The following CCNY variants were observed in gnomAD, a reference collection of about 807,000 sequenced individuals.
CCNY encodes the protein cyclin Y.
Under a neutral mutation model 42.8 loss-of-function variants are expected in CCNY, and 19 were observed. That is an observed-to-expected ratio of 0.44 (90% CI 0.31 to 0.65). The LOEUF (loss-of-function observed/expected upper bound fraction) is 0.65, where lower values mean the gene tolerates loss of function less well. CCNY is among the 30% of genes least tolerant of loss of function. The pLI is 0.07. For missense variants in CCNY, 370 were observed against 437.3 expected (o/e 0.85, Z 1.37); for synonymous variants, 165 against 162.7 (o/e 1.01, Z -0.11).
intron 1 of CCNY, among the ~76,000 whole-genome samples, chr10:35,399,925 T>C (rs1346731260): frequency 6.6e-6 from 1 of 152,178 alleles, no homozygotes; most frequent in Non-Finnish European, 1.5e-5. Flanking sequence ...TTTTTGTTTT[T>C]GGAATAAGAT....
chr10:35,282,782 T>A (rs1317857521), intron 3 of CCNY, among the ~76,000 whole-genome samples: 1 of 149,480 alleles, frequency 6.7e-6, no homozygotes, highest in East Asian at 2.0e-4. Flanking sequence ...TGTGGTGGAG[T>A]TGGTCAGTGC....
At chr10:35,335,675 A>G (rs1484713410), upstream of CCNY, among the ~76,000 whole-genome samples, 1 of 152,112 alleles carries the variant, frequency 6.6e-6, no homozygotes, top group Non-Finnish European at 1.5e-5. Flanking sequence ...TTACGAAGCG[A>G]GATCCCATCT....
At position 35,272,597 on chromosome 10, in the gene CCNY, ATGT is replaced by A. The variant is rs1395864687; in HGVS notation, c.-9+21976_-9+21978del. On this transcript the variant is annotated intron_variant, in intron 3 of 11. Transcript: ENST00000374706. ...TATCTGTGTTCCTGCAAAGGACATG[ATGT>A]TGTTCTTTTTTATGGCTGCATAGTA... is the stretch of plus-strand genomic sequence containing the variant. Among the ~76,000 whole-genome samples the A allele has an allele frequency of 5.9e-5, 9 of 152,134 alleles. No individual in the cohort carries two copies. In the East Asian group the frequency reaches 1.7e-3, roughly 29 times the overall value.
intron 9 of CCNY, among the ~76,000 whole-genome samples, chr10:35,567,238 A>T: frequency 6.6e-6 from 1 of 152,180 alleles, no homozygotes; most frequent in African/African-American, 2.4e-5. Context: ...GCCCAGTTAG[A>T]GCTGAGGGCA....
chr10:35,347,324 A>G (rs772382050), intron 1 of CCNY: 60 of 324,578 alleles, frequency 1.8e-4, no homozygotes, highest in Non-Finnish European at 2.2e-4. Context: ...AACTACAATC[A>G]CATCCGTGCC....
At chr10:35,449,670 A>T in intron 1 of CCNY, 1 of 700,744 alleles carries the variant, frequency 1.4e-6, no homozygotes, top group Non-Finnish European at 1.8e-6. Flanking sequence ...ATTGCCGAGT[A>T]GGGGGGCCGG....
At chr10:35,323,041 C>A (rs1835838521) in intron 3 of CCNY, among the ~76,000 whole-genome samples, 1 of 152,128 alleles carries the variant, frequency 6.6e-6, no homozygotes, top group South Asian at 2.1e-4. Flanking sequence ...ATTCTCCTGC[C>A]TTAGCCTCCC....
intron 1 of CCNY, among the ~76,000 whole-genome samples, chr10:35,433,071 A>G (rs373233478): frequency 6.6e-6 from 1 of 152,188 alleles, no homozygotes; most frequent in African/African-American, 2.4e-5. Flanking sequence ...TAGGCTGGGC[A>G]CGGTGGCTCA....
intron 1 of CCNY, among the ~76,000 whole-genome samples, chr10:35,480,634 A>C (rs924644857): frequency 6.6e-6 from 1 of 152,144 alleles, no homozygotes; most frequent in Non-Finnish European, 1.5e-5. Flanking sequence ...GGGTCAAATC[A>C]GTTTTCACAA....
intron 4 of CCNY, among the ~76,000 whole-genome samples, chr10:35,523,862 G>C (rs1438008982): frequency 6.6e-6 from 1 of 152,168 alleles, no homozygotes; most frequent in African/African-American, 2.4e-5. Flanking sequence ...CACTAATAAG[G>C]AGGAAGGAGC....
intron 3 of CCNY, among the ~76,000 whole-genome samples, chr10:35,256,569 T>G (rs2095715636): frequency 1.3e-5 from 2 of 151,910 alleles, no homozygotes; most frequent in African/African-American, 4.8e-5. Flanking sequence ...CCATCTCTAC[T>G]AAAAATACAA....
chr10:35,377,366 T>G (rs1026850079), intron 1 of CCNY, among the ~76,000 whole-genome samples: 5 of 152,204 alleles, frequency 3.3e-5, no homozygotes, highest in Non-Finnish European at 1.5e-5. Context: ...CTGTACCTTT[T>G]CTATATTTAG....
chr10:35,527,420 T>C (rs1015028392), intron 5 of CCNY, among the ~76,000 whole-genome samples: 1 of 152,224 alleles, frequency 6.6e-6, no homozygotes, highest in Non-Finnish European at 1.5e-5. Flanking sequence ...CTGAAGTGAA[T>C]GTAGCCAGAG....
At chr10:35,447,145 C>T (rs921808387) in intron 1 of CCNY, among the ~76,000 whole-genome samples, 3 of 152,094 alleles carry the variant, frequency 2.0e-5, no homozygotes, top group South Asian at 2.1e-4. Context: ...GATGTGGTGG[C>T]GGGCGCCTGT....
chr10:35,525,656 G>A (rs890509533), intron 4 of CCNY, among the ~76,000 whole-genome samples: 7 of 151,484 alleles, frequency 4.6e-5, no homozygotes, highest in Admixed American at 1.3e-4. Flanking sequence ...TTTACATAGC[G>A]CTTTTTTTTT....
intron 3 of CCNY, among the ~76,000 whole-genome samples, chr10:35,321,548 C>T (rs534118957): frequency 3.3e-5 from 5 of 151,926 alleles, no homozygotes; most frequent in Admixed American, 2.0e-4. Flanking sequence ...TGTGGTGGTA[C>T]GCACCTGTGG....
intron 1 of CCNY, among the ~76,000 whole-genome samples, chr10:35,377,881 A>G (rs1432829727): frequency 6.6e-6 from 1 of 152,246 alleles, no homozygotes; most frequent in Non-Finnish European, 1.5e-5. Context: ...GGCAGCAAGA[A>G]CATCATATGT....
chr10:35,391,225 C>G (rs945184104), intron 1 of CCNY, among the ~76,000 whole-genome samples: 2 of 152,198 alleles, frequency 1.3e-5, no homozygotes, highest in Non-Finnish European at 2.9e-5. Context: ...CAGGTAGCCC[C>G]TACTGCTATG....
At chr10:35,301,697 C>T (rs1031229436) in intron 3 of CCNY, among the ~76,000 whole-genome samples, 6 of 152,080 alleles carry the variant, frequency 3.9e-5, no homozygotes, top group Admixed American at 6.6e-5. Context: ...GGCATGATCA[C>T]GGCTCACAGA....
Sources: gnomAD v4.1 joint callset for allele counts (sites outside exome capture counted in the v4.1 genomes callset) on GRCh38, gnomAD v4.1.1 for gene constraint, MANE v1.5 for transcripts, NCBI Gene and HGNC (gene_info 2026-07-23, HGNC 2026-07-21) for gene names.